Variants in ABTB3 observed in about 807,000 individuals in gnomAD.
The protein encoded by ABTB3 is ankyrin repeat- and BTB/POZ domain-containing protein 3.
chr12:107,543,376 A>G, the ABTB3 span, among the ~76,000 whole-genome samples: 2 of 151,564 alleles, frequency 1.3e-5, no homozygotes, highest in African/African-American at 2.4e-5. Flanking sequence ...AAACACGAAA[A>G]GTACAGTGTG....
chr12:107,353,176 C>T, the ABTB3 span, among the ~76,000 whole-genome samples: 3 of 152,166 alleles, frequency 2.0e-5, no homozygotes, highest in Non-Finnish European at 4.4e-5. Flanking sequence ...ACAGCATTAT[C>T]CCTGCCTCTC....
At chr12:107,560,394 G>T in the ABTB3 span, among the ~76,000 whole-genome samples, 1 of 152,328 alleles carries the variant, frequency 6.6e-6, no homozygotes, top group East Asian at 1.9e-4. Context: ...CCCTGGGAGG[G>T]AGCCTCACCC....
the ABTB3 span, among the ~76,000 whole-genome samples, chr12:107,365,645 G>A: frequency 6.6e-6 from 1 of 152,264 alleles, no homozygotes; most frequent in African/African-American, 2.4e-5. Context: ...GTCCCACCAT[G>A]TTCTTTCCTC....
the ABTB3 span, among the ~76,000 whole-genome samples, chr12:107,652,329 C>T: frequency 2.0e-5 from 3 of 152,218 alleles, no homozygotes; most frequent in African/African-American, 7.2e-5. Flanking sequence ...GTGAGAACCG[C>T]CCTTCCAGAA....
chr12:107,599,315 G>A, the ABTB3 span, among the ~76,000 whole-genome samples: 1 of 152,200 alleles, frequency 6.6e-6, no homozygotes, highest in Non-Finnish European at 1.5e-5. Context: ...TAACACATAT[G>A]TACTGTTCTC....
At chr12:107,588,465 G>T in the ABTB3 span, among the ~76,000 whole-genome samples, 1 of 152,164 alleles carries the variant, frequency 6.6e-6, no homozygotes, top group Non-Finnish European at 1.5e-5. Flanking sequence ...AAACAAATGC[G>T]GCACAGGACA....
the ABTB3 span, among the ~76,000 whole-genome samples, chr12:107,501,554 G>T: frequency 4.2e-3 from 639 of 152,140 alleles, 4 homozygotes; most frequent in African/African-American, 0.015. Flanking sequence ...ACAAAAATTA[G>T]CCCAGTGTGG....
chr12:107,537,294 A>C, the ABTB3 span, among the ~76,000 whole-genome samples: 1 of 152,168 alleles, frequency 6.6e-6, no homozygotes, highest in Non-Finnish European at 1.5e-5. Flanking sequence ...CCAAATCAAG[A>C]ACCAAGTTCT....
At chr12:107,586,573 G>A in the ABTB3 span, among the ~76,000 whole-genome samples, 5 of 152,172 alleles carry the variant, frequency 3.3e-5, no homozygotes, top group East Asian at 3.9e-4. Flanking sequence ...ATTTGGAGCC[G>A]CTGCCTCCCC....
At chr12:107,509,242 A>T in the ABTB3 span, among the ~76,000 whole-genome samples, 1 of 152,164 alleles carries the variant, frequency 6.6e-6, no homozygotes, top group African/African-American at 2.4e-5. Flanking sequence ...ATGACAAAGG[A>T]GGTAACTAAA....
the ABTB3 span, among the ~76,000 whole-genome samples, chr12:107,626,512 AT>A: frequency 2.6e-5 from 4 of 150,996 alleles, no homozygotes; most frequent in East Asian, 2.0e-4. Flanking sequence ...TGCCCGGCTA[AT>A]TTTTTTTTGT....
chr12:107,461,596 C>A, the ABTB3 span, among the ~76,000 whole-genome samples: 2 of 97,430 alleles, frequency 2.1e-5, 1 homozygote, highest in South Asian at 6.4e-4. Flanking sequence ...CGAATCCATT[C>A]GCAACCCCTT....
At chr12:107,358,245 A>G in the ABTB3 span, among the ~76,000 whole-genome samples, 1 of 152,196 alleles carries the variant, frequency 6.6e-6, no homozygotes, top group African/African-American at 2.4e-5. Context: ...GAATGAGGAT[A>G]TATGCATTGG....
At chr12:107,398,068 C>G in the ABTB3 span, among the ~76,000 whole-genome samples, 1 of 152,150 alleles carries the variant, frequency 6.6e-6, no homozygotes, top group East Asian at 1.9e-4. Context: ...CCCTTCATTC[C>G]TCTGCTCTGT....
At chr12:107,657,906 G>C in the ABTB3 span, 5 of 630,364 alleles carry the variant, frequency 7.9e-6, no homozygotes, top group Middle Eastern at 4.3e-4. Context: ...AGATCAGCTG[G>C]GTCCAGAGTT....
At chr12:107,634,049 G>C in the ABTB3 span, among the ~76,000 whole-genome samples, 1 of 152,226 alleles carries the variant, frequency 6.6e-6, no homozygotes, top group Non-Finnish European at 1.5e-5. Flanking sequence ...ATTGAAAGTT[G>C]AGTCTCTTTG....
chr12:107,423,666 C>T, the ABTB3 span, among the ~76,000 whole-genome samples: 1 of 152,172 alleles, frequency 6.6e-6, no homozygotes, highest in African/African-American at 2.4e-5. Flanking sequence ...CCCTGGACAT[C>T]AGGCTTTCTG....
chr12:107,329,954 T>TA, the ABTB3 span, among the ~76,000 whole-genome samples: 540 of 152,318 alleles, frequency 3.5e-3, 1 homozygote, highest in African/African-American at 0.013. Flanking sequence ...TACAGGCTAT[T>TA]AGAGTCTTTA....
chr12:107,522,114 G>C, the ABTB3 span, among the ~76,000 whole-genome samples: 7 of 151,938 alleles, frequency 4.6e-5, no homozygotes, highest in Admixed American at 2.6e-4. Context: ...GTGGTGGGGT[G>C]GGGGAAGGTA....
Sources: allele counts gnomAD v4.1 joint callset (sites outside exome capture counted in the v4.1 genomes callset), GRCh38; gene constraint gnomAD v4.1.1; transcripts MANE v1.5; gene names NCBI Gene and HGNC (gene_info 2026-07-23, HGNC 2026-07-21).